Variants in CREB1 observed in about 807,000 individuals in gnomAD.
CREB1 encodes cAMP responsive element binding protein 1, also known as cyclic AMP-responsive element-binding protein 1.
A neutral mutation model predicts 42.0 loss-of-function variants in CREB1; 2 were observed. The ratio of observed to expected loss-of-function variants is 0.05; its 90% CI spans 0.02 to 0.15. The LOEUF (loss-of-function observed/expected upper bound fraction) is 0.15, where lower values mean the gene tolerates loss of function less well. CREB1 is among the 10% of genes least tolerant of loss of function. CREB1 has a pLI of 1.00. For missense variants in CREB1, 199 were observed against 388.9 expected, an observed-to-expected ratio of 0.51 and a Z score of 4.11; for synonymous variants, 123 against 139.9, an observed-to-expected ratio of 0.88 and a Z score of 0.85.
Position 207,597,764 on chromosome 2 carries a change from G to C in CREB1, c.*706G>C, listed in dbSNP as rs2086405833. ...AGTTCTGTATGTGTTCAACATTTTTGAATACATTAAAAGAAGTAACCAACT... is the reference window on the plus strand; with the variant it reads ...AGTTCTGTATGTGTTCAACATTTTTCAATACATTAAAAGAAGTAACCAACT... On this transcript the variant is annotated 3_prime_UTR_variant, in exon 8 of 8. Coordinates refer to ENST00000353267, the MANE Select transcript of CREB1 (RefSeq NM_004379.5). The C allele has an allele frequency of 1.5e-5, 3 of 201,318 alleles. No homozygotes were observed. In the East Asian group the frequency reaches 2.3e-4, roughly 15 times the overall value. 12.5% of individuals were successfully genotyped at this position (201,318 alleles called of 1,614,324 possible).
intron 3 of CREB1, among the ~76,000 whole-genome samples, chr2:207,562,722 A>T (rs760564227): frequency 2.0e-5 from 3 of 152,226 alleles, no homozygotes; most frequent in Non-Finnish European, 4.4e-5. Flanking sequence ...AACAACTAGG[A>T]AATAGTTTTT....
intron 7 of CREB1, among the ~76,000 whole-genome samples, chr2:207,592,636 C>A (rs1428279121): frequency 6.6e-6 from 1 of 151,826 alleles, no homozygotes; most frequent in African/African-American, 2.4e-5. Context: ...TTAGAAAATT[C>A]TTGGCCAGGT....
chr2:207,552,806 G>A (rs551387172), intron 1 of CREB1, among the ~76,000 whole-genome samples: 12 of 151,936 alleles, frequency 7.9e-5, no homozygotes, highest in Middle Eastern at 3.4e-3. Flanking sequence ...AGTAGAGACC[G>A]GGTTTCACCG....
intron 1 of CREB1, among the ~76,000 whole-genome samples, chr2:207,531,959 T>C (rs1169525583): frequency 6.6e-6 from 1 of 152,244 alleles, no homozygotes; most frequent in East Asian, 1.9e-4. Flanking sequence ...AATGATTTTA[T>C]TTCCGAGCAC....
intron 1 of CREB1, among the ~76,000 whole-genome samples, chr2:207,548,904 A>G (rs937548161): frequency 2.0e-5 from 3 of 152,248 alleles, no homozygotes; most frequent in African/African-American, 4.8e-5. Context: ...TATTTTTGTC[A>G]TATAAGTAAT....
rs114302588 is a variant in CREB1 at position 207,581,445 on chromosome 2, T to C, written c.839+3790T>C. On this transcript the variant is annotated intron_variant, in intron 7 of 7. Transcript: ENST00000353267. ...AAGAGTATTTACATTACTATCAGGT[T>C]TTTTAAATTTATTATTACACAAGTA... 906 of 201,146 alleles carry C rather than the reference T, an allele frequency of 4.5e-3. 8 individuals carry two copies. Among genetic ancestry groups the C allele is most frequent in the African/African-American group, 0.019 (841 of 43,700 alleles). The allele number at this position is 201,146 out of a possible 1,614,324, so 12.5% of individuals were successfully genotyped here. A position where few individuals can be genotyped will look rare whatever the true frequency, so the allele number is the denominator to read the frequency against.
At chr2:207,553,062 CTTTTTTTT>C (rs10561230) in intron 1 of CREB1, among the ~76,000 whole-genome samples, 2 of 63,186 alleles carry the variant, frequency 3.2e-5, no homozygotes, top group East Asian at 4.6e-4. Flanking sequence ...TACAGGTAGA[CTTTTTTTT>C]TTTTTTTTTT....
rs766004431 is a variant in CREB1 at position 207,560,222 on chromosome 2, A to G, written c.115-4A>G. ...ATAATTCTTTTCTGTGTTCAACACCATAGGTATCTATGCCAGCAGCTCATG... is the reference window on the plus strand; with the variant it reads ...ATAATTCTTTTCTGTGTTCAACACCGTAGGTATCTATGCCAGCAGCTCATG... On this transcript the variant is annotated splice_region_variant and splice_polypyrimidine_tract_variant and intron_variant, in intron 2 of 7. Coordinates refer to ENST00000353267, the MANE Select transcript of CREB1 (RefSeq NM_004379.5). The G allele has an allele frequency of 2.5e-5, 40 of 1,602,276 alleles. No individual in the cohort carries two copies. Among genetic ancestry groups the G allele is most frequent in the Admixed American group, 8.4e-5 (5 of 59,408 alleles).
At chr2:207,578,571 T>G (rs964003584) in intron 7 of CREB1, among the ~76,000 whole-genome samples, 1 of 152,168 alleles carries the variant, frequency 6.6e-6, no homozygotes, top group African/African-American at 2.4e-5. Flanking sequence ...AAAGTATTGT[T>G]GTAAGAGTCA....
chr2:207,568,483 T>A (rs1263686117), intron 4 of CREB1, among the ~76,000 whole-genome samples: 1 of 152,068 alleles, frequency 6.6e-6, no homozygotes, highest in Non-Finnish European at 1.5e-5. Flanking sequence ...TCCAACCAAA[T>A]ACTACTAGTA....
intron 7 of CREB1, chr2:207,580,481 A>G (rs1437923769): frequency 1.4e-5 from 3 of 215,964 alleles, no homozygotes; most frequent in Non-Finnish European, 2.8e-5. Flanking sequence ...CAGAGTCTCC[A>G]TATTTGGTTT....
intron 7 of CREB1, among the ~76,000 whole-genome samples, chr2:207,578,268 T>C (rs1264435640): frequency 1.3e-5 from 2 of 152,180 alleles, no homozygotes; most frequent in Non-Finnish European, 2.9e-5. Flanking sequence ...GTAACTTTAT[T>C]GCTGTAAATG....
intron 1 of CREB1, among the ~76,000 whole-genome samples, chr2:207,537,289 C>T (rs979118742): frequency 6.6e-6 from 1 of 152,110 alleles, no homozygotes; most frequent in Admixed American, 6.6e-5. Flanking sequence ...CCACCCACCT[C>T]TGCCTCCCAA....
chr2:207,565,624 T>C (rs558147661), intron 3 of CREB1, among the ~76,000 whole-genome samples: 64 of 152,164 alleles, frequency 4.2e-4, no homozygotes, highest in Non-Finnish European at 7.9e-4. Context: ...AATGTTGTTG[T>C]TTTAGTGAGT....
chr2:207,565,669 T>A (rs950632799), intron 3 of CREB1, among the ~76,000 whole-genome samples: 1 of 152,158 alleles, frequency 6.6e-6, no homozygotes, highest in Non-Finnish European at 1.5e-5. Context: ...CTAATCACTA[T>A]ATGTCCTTAA....
chr2:207,552,042 CAAAAAAA>C (rs71036931), intron 1 of CREB1, among the ~76,000 whole-genome samples: 68 of 69,938 alleles, frequency 9.7e-4, no homozygotes, highest in Admixed American at 1.7e-3. Context: ...AACTCCGTCT[CAAAAAAA>C]AAAAAAAAAA....
At chr2:207,568,433 A>G (rs1002666278) in intron 4 of CREB1, among the ~76,000 whole-genome samples, 4 of 152,126 alleles carry the variant, frequency 2.6e-5, no homozygotes, top group African/African-American at 9.6e-5. Flanking sequence ...TTTGAAGTAT[A>G]TCTCCTGTTA....
intron 1 of CREB1, among the ~76,000 whole-genome samples, chr2:207,542,045 A>G (rs995047886): frequency 9.2e-5 from 14 of 152,250 alleles, no homozygotes; most frequent in African/African-American, 3.4e-4. Context: ...TTGCCATAAT[A>G]GTCCATTTTA....
At position 207,557,024 on chromosome 2, in the gene CREB1, C is replaced by T. The variant is rs1433881922; in HGVS notation, c.114+1275C>T. Among the ~76,000 whole-genome samples the T allele has an allele frequency of 2.0e-5, 3 of 152,042 alleles. No individual in the cohort carries two copies. The East Asian group carries it at 5.8e-4, about 29-fold the overall frequency. ...TGGTAGCACACACCTGTAAATCCAG[C>T]GACCTTAGAAGGCTGAGGGAGGAGA... On this transcript the variant is annotated intron_variant, in intron 2 of 7. Coordinates refer to ENST00000353267, the MANE Select transcript of CREB1 (RefSeq NM_004379.5).
Sources: allele counts gnomAD v4.1 joint callset (sites outside exome capture counted in the v4.1 genomes callset), GRCh38; gene constraint gnomAD v4.1.1; transcripts MANE v1.5; gene names NCBI Gene and HGNC (gene_info 2026-07-23, HGNC 2026-07-21).